Variants in OR6N1 observed in about 807,000 individuals in gnomAD.
OR6N1 encodes olfactory receptor family 6 subfamily N member 1, also known as olfactory receptor 6N1.
For synonymous variants in OR6N1, 170 were observed against 150.7 expected (o/e 1.13, Z -0.94); for missense variants, 394 against 371.7 (o/e 1.06, Z -0.49).
intron 1 of OR6N1, among the ~76,000 whole-genome samples, chr1:158,771,127 G>A (rs1041047214): frequency 1.3e-5 from 2 of 152,186 alleles, no homozygotes; most frequent in African/African-American, 4.8e-5. Flanking sequence ...GAAGACACTT[G>A]AATCATTTTC....
At chr1:158,777,219 T>C in the OR6N1 span, 3 of 1,613,312 alleles carry the variant, frequency 1.9e-6, no homozygotes, top group African/African-American at 2.7e-5. Context: ...TGGCACAGAG[T>C]GTGGTGGTCA....
intron 1 of OR6N1, among the ~76,000 whole-genome samples, chr1:158,771,393 G>C (rs1657420747): frequency 6.6e-6 from 1 of 152,092 alleles, no homozygotes; most frequent in Non-Finnish European, 1.5e-5. Context: ...AGTTATGGTG[G>C]GTAATGAAAA....
the OR6N1 span, among the ~76,000 whole-genome samples, chr1:158,827,279 G>C: frequency 6.6e-6 from 1 of 152,176 alleles, no homozygotes; most frequent in Non-Finnish European, 1.5e-5. Context: ...TCTAGCTCAT[G>C]TCCTTTGCCT....
chr1:158,777,800 C>T, the OR6N1 span, among the ~76,000 whole-genome samples: 1 of 152,142 alleles, frequency 6.6e-6, no homozygotes. Context: ...ATATTAATAG[C>T]TAACTCTTAT....
the OR6N1 span, among the ~76,000 whole-genome samples, chr1:158,820,559 A>G: frequency 1.3e-5 from 2 of 152,250 alleles, no homozygotes; most frequent in Non-Finnish European, 2.9e-5. Context: ...TATTGTTAGC[A>G]TCATAGTTAC....
chr1:158,769,949 T>C (rs1657375710), intron 1 of OR6N1, among the ~76,000 whole-genome samples: 1 of 152,214 alleles, frequency 6.6e-6, no homozygotes, highest in Non-Finnish European at 1.5e-5. Context: ...ACCTGCCTTC[T>C]ATAAAGGATT....
chr1:158,789,814 T>A, the OR6N1 span, among the ~76,000 whole-genome samples: 1 of 152,238 alleles, frequency 6.6e-6, no homozygotes, highest in Non-Finnish European at 1.5e-5. Flanking sequence ...GATTGTTTCC[T>A]TTGCTGTACA....
At chr1:158,823,851 T>C in the OR6N1 span, among the ~76,000 whole-genome samples, 4 of 152,200 alleles carry the variant, frequency 2.6e-5, no homozygotes, top group East Asian at 7.7e-4. Flanking sequence ...CATTTAGTGC[T>C]ATAAACTTCC....
At chr1:158,789,046 A>G in the OR6N1 span, among the ~76,000 whole-genome samples, 5 of 152,230 alleles carry the variant, frequency 3.3e-5, no homozygotes, top group African/African-American at 7.2e-5. Flanking sequence ...CCAACTTTCT[A>G]TCTTCATGAT....
At chr1:158,815,553 G>C in the OR6N1 span, among the ~76,000 whole-genome samples, 10 of 152,092 alleles carry the variant, frequency 6.6e-5, no homozygotes, top group Non-Finnish European at 1.0e-4. Flanking sequence ...GGTCACTTTG[G>C]TCACTTGGGT....
the OR6N1 span, among the ~76,000 whole-genome samples, chr1:158,802,382 T>C: frequency 6.6e-6 from 1 of 151,898 alleles, no homozygotes; most frequent in Non-Finnish European, 1.5e-5. Context: ...TAATTTTTTG[T>C]ATTTTTTAGT....
chr1:158,767,585 G>A (rs1179966649), intron 1 of OR6N1, among the ~76,000 whole-genome samples: 1 of 152,172 alleles, frequency 6.6e-6, no homozygotes, highest in Non-Finnish European at 1.5e-5. Context: ...TGTGGCACCT[G>A]ATGTTAACAA....
chr1:158,839,590 C>T, the OR6N1 span, among the ~76,000 whole-genome samples: 70 of 152,288 alleles, frequency 4.6e-4, no homozygotes, highest in South Asian at 0.01. Flanking sequence ...AAGGAACCTA[C>T]AGAGAAGCTA....
At chr1:158,801,554 G>A in the OR6N1 span, among the ~76,000 whole-genome samples, 2 of 152,138 alleles carry the variant, frequency 1.3e-5, no homozygotes, top group African/African-American at 4.8e-5. Flanking sequence ...AACAGAAAAA[G>A]CATTCTATTT....
At chr1:158,769,410 T>A (rs1657357175) in intron 1 of OR6N1, among the ~76,000 whole-genome samples, 1 of 152,180 alleles carries the variant, frequency 6.6e-6, no homozygotes, top group Non-Finnish European at 1.5e-5. Context: ...GTGATCCACC[T>A]GCTTTGGCCT....
intron 1 of OR6N1, among the ~76,000 whole-genome samples, chr1:158,769,619 A>T (rs948544532): frequency 4.6e-5 from 7 of 152,176 alleles, no homozygotes; most frequent in African/African-American, 1.4e-4. Context: ...CGGTCTTCTT[A>T]TCACTTCTTC....
chr1:158,812,323 G>A, the OR6N1 span, among the ~76,000 whole-genome samples: 1 of 152,186 alleles, frequency 6.6e-6, no homozygotes, highest in Admixed American at 6.5e-5. Flanking sequence ...TATATAATGA[G>A]GAATGAGAGG....
the OR6N1 span, among the ~76,000 whole-genome samples, chr1:158,788,625 A>G: frequency 6.6e-6 from 1 of 152,302 alleles, no homozygotes; most frequent in Non-Finnish European, 1.5e-5. Context: ...GGTAATTAGT[A>G]TAGCCATCAC....
At chr1:158,812,117 T>C in the OR6N1 span, among the ~76,000 whole-genome samples, 1 of 152,224 alleles carries the variant, frequency 6.6e-6, no homozygotes, top group African/African-American at 2.4e-5. Context: ...TGCAGCTTTA[T>C]CTATGGGTTT....
Sources: allele counts gnomAD v4.1 joint callset (sites outside exome capture counted in the v4.1 genomes callset), GRCh38; gene constraint gnomAD v4.1.1; transcripts MANE v1.5; gene names NCBI Gene and HGNC (gene_info 2026-07-23, HGNC 2026-07-21).